SLC14A2: variants seen among roughly 807,000 people sequenced by gnomAD.
The protein encoded by SLC14A2 is solute carrier family 14 member 2.
In SLC14A2, 91 loss-of-function variants were observed where a neutral mutation model predicts 104.6. That is an observed-to-expected ratio of 0.87 (90% CI 0.73 to 1.04). The LOEUF is 1.04. Among genes scored for constraint, SLC14A2 ranks in the 50% least tolerant of loss-of-function variants. SLC14A2 has a pLI of 0.00. For synonymous variants in SLC14A2, 476 were observed against 466.4 expected (o/e 1.02, Z -0.27); for missense variants, 1,189 against 1,156.0 (o/e 1.03, Z -0.41).
chr18:45,239,628 A>C (rs1176358896), intron 1 of SLC14A2, among the ~76,000 whole-genome samples: 1 of 152,214 alleles, frequency 6.6e-6, no homozygotes, highest in Non-Finnish European at 1.5e-5. Context: ...ACACATGCGG[A>C]GGGTGGAGAG....
chr18:45,197,463 C>T, the SLC14A2 span, among the ~76,000 whole-genome samples: 2 of 152,212 alleles, frequency 1.3e-5, no homozygotes, highest in Non-Finnish European at 2.9e-5. Flanking sequence ...GGAAGATATT[C>T]GGGGTCAAAA....
intron 1 of SLC14A2, among the ~76,000 whole-genome samples, chr18:45,449,494 T>C (rs2086824916): frequency 6.6e-6 from 1 of 152,160 alleles, no homozygotes; most frequent in African/African-American, 2.4e-5. Context: ...GGAAAGACGA[T>C]GGAGTCTCCT....
chr18:45,624,160 G>A (rs892946306), intron 1 of SLC14A2, among the ~76,000 whole-genome samples: 3 of 152,100 alleles, frequency 2.0e-5, no homozygotes, highest in African/African-American at 7.2e-5. Flanking sequence ...AATGGTAGAG[G>A]GAAGAGAAGG....
At chr18:45,657,635 ATCTT>A (rs1417760674) in intron 10 of SLC14A2, among the ~76,000 whole-genome samples, 1 of 152,216 alleles carries the variant, frequency 6.6e-6, no homozygotes, top group Non-Finnish European at 1.5e-5. Flanking sequence ...AGGGAAATAA[ATCTT>A]AGACTACAAG....
the SLC14A2 span, among the ~76,000 whole-genome samples, chr18:45,173,997 A>G: frequency 6.6e-6 from 1 of 152,152 alleles, no homozygotes; most frequent in African/African-American, 2.4e-5. Context: ...ATATTAAACC[A>G]TTTCCTGAGT....
rs143864558 is a variant in SLC14A2 at position 45,418,311 on chromosome 18, ATGTCT to A, written c.-124-64918_-124-64914del. Among the ~76,000 whole-genome samples the A allele has an allele frequency of 4.7e-3, 721 of 152,290 alleles. 11 individuals are homozygous for A. The highest frequency in any genetic ancestry group is 0.016 in the African/African-American group (674 of 41,556). On this transcript the variant is annotated intron_variant, in intron 1 of 20. Transcript: ENST00000586448. The stretch of plus-strand genomic sequence containing the variant: ...TTACTGCACTCTTAATAAGAAACAA[ATGTCT>A]TGTGAGTGGCACAGAAGTGCCACTA...
chr18:45,320,842 T>C (rs534748524), intron 1 of SLC14A2, among the ~76,000 whole-genome samples: 2 of 152,292 alleles, frequency 1.3e-5, no homozygotes, highest in Admixed American at 6.5e-5. Flanking sequence ...CAACACCCAC[T>C]CCTTTTCCAG....
At chr18:45,626,808 C>T (rs2045263573) in intron 3 of SLC14A2, 150 bp from the exon 4 acceptor site, 2 of 433,108 alleles carry the variant, frequency 4.6e-6, no homozygotes, top group Admixed American at 3.4e-5. Context: ...TCCCCTCTAC[C>T]CCCACCCCTC....
chr18:45,193,456 C>T, the SLC14A2 span, among the ~76,000 whole-genome samples: 4 of 152,154 alleles, frequency 2.6e-5, no homozygotes, highest in African/African-American at 7.2e-5. Context: ...ATTATTCCAG[C>T]ACCTTTTCTA....
the SLC14A2 span, among the ~76,000 whole-genome samples, chr18:45,197,411 GTATCAGTCAA>G: frequency 1.3e-5 from 2 of 152,160 alleles, no homozygotes; most frequent in Non-Finnish European, 2.9e-5. Flanking sequence ...GAGCCTATCA[GTATCAGTCAA>G]TAATATTCAA....
At chr18:45,282,129 T>C (rs907278216) in intron 1 of SLC14A2, among the ~76,000 whole-genome samples, 1 of 152,072 alleles carries the variant, frequency 6.6e-6, no homozygotes, top group Non-Finnish European at 1.5e-5. Context: ...CAGACAAAAA[T>C]GACATGCTGA....
intron 10 of SLC14A2, among the ~76,000 whole-genome samples, chr18:45,645,319 A>G (rs1296340975): frequency 2.0e-5 from 3 of 152,208 alleles, no homozygotes; most frequent in Middle Eastern, 3.4e-3. Flanking sequence ...TTGTGTCTTT[A>G]CAATAGAATG....
At chr18:45,428,280 G>A (rs867540475) in intron 1 of SLC14A2, among the ~76,000 whole-genome samples, 4 of 152,304 alleles carry the variant, frequency 2.6e-5, no homozygotes, top group South Asian at 2.1e-4. Flanking sequence ...ATATATTTTA[G>A]CAATATTATA....
chr18:45,195,256 G>A, the SLC14A2 span, among the ~76,000 whole-genome samples: 147,002 of 152,290 alleles, frequency 0.97, 71,162 homozygotes, highest in East Asian at 1. Flanking sequence ...AATCCAGGAC[G>A]ACAAAAGATG....
intron 10 of SLC14A2, among the ~76,000 whole-genome samples, chr18:45,648,394 A>G (rs2045663645): frequency 6.6e-6 from 1 of 151,860 alleles, no homozygotes; most frequent in African/African-American, 2.4e-5. Flanking sequence ...TTTAGTAGAG[A>G]TGGGGTTTCA....
intron 1 of SLC14A2, among the ~76,000 whole-genome samples, chr18:45,462,879 A>C (rs2087070707): frequency 6.6e-6 from 1 of 152,168 alleles, no homozygotes; most frequent in Non-Finnish European, 1.5e-5. Context: ...CACTTAGCAA[A>C]CTGCTTGTCA....
intron 2 of SLC14A2, among the ~76,000 whole-genome samples, chr18:45,499,124 G>A (rs1248033461): frequency 6.6e-6 from 1 of 152,160 alleles, no homozygotes; most frequent in Admixed American, 6.5e-5. Context: ...CACTGGTGGA[G>A]AAGAGACGAG....
intron 1 of SLC14A2, among the ~76,000 whole-genome samples, chr18:45,357,945 G>A (rs1391275950): frequency 6.6e-6 from 1 of 152,256 alleles, no homozygotes; most frequent in Non-Finnish European, 1.5e-5. Flanking sequence ...AATCAGCACA[G>A]ATGAGCTGGC....
At chr18:45,441,167 A>G (rs2086676921) in intron 1 of SLC14A2, among the ~76,000 whole-genome samples, 1 of 152,118 alleles carries the variant, frequency 6.6e-6, no homozygotes, top group African/African-American at 2.4e-5. Flanking sequence ...ACTTATGCCA[A>G]TGTTCCAGCC....
Sources: allele counts gnomAD v4.1 joint callset (sites outside exome capture counted in the v4.1 genomes callset), GRCh38; gene constraint gnomAD v4.1.1; transcripts MANE v1.5; gene names NCBI Gene and HGNC (gene_info 2026-07-23, HGNC 2026-07-21).